GLI3: variants seen among roughly 807,000 people sequenced by gnomAD.
GLI3 encodes transcription activator GLI3.
GLI3 carries 20 observed loss-of-function variants against 100.8 expected under a neutral mutation model. That is an observed-to-expected ratio of 0.20 (90% CI 0.14 to 0.29). GLI3 has a LOEUF of 0.29. GLI3 is among the 10% of genes least tolerant of loss of function. GLI3 has a pLI of 1.00. For synonymous variants in GLI3, 938 were observed against 860.5 expected, an observed-to-expected ratio of 1.09 and a Z score of -1.58; for missense variants, 2,040 against 2,128.5, an observed-to-expected ratio of 0.96 and a Z score of 0.82.
Position 41,964,722 on chromosome 7 carries a change from T to C in GLI3, c.4351A>G (p.Ser1451Gly). The C allele has an allele frequency of 6.2e-7, 1 of 1,614,180 alleles. No homozygotes were observed. Among genetic ancestry groups the C allele is most frequent in the Non-Finnish European group, 8.5e-7 (1 of 1,179,988 alleles). The stretch of plus-strand genomic sequence containing the variant: ...GAACCAGCTTTCGTGTCTTGCTGAC[T>C]GAAGCCCACGGTTTGGTCATAGAAC... ...GQFYDQTVGF[S>G]QQDTKAGSFS... Residue 1451 changes from serine (S) to glycine (G), a missense_variant, in exon 15 of 15, where the codon AGT (serine) becomes GGT (glycine). Physicochemically the swap from Ser to Gly is moderately conservative, Grantham distance 56. This residue lies in a region of GLI3 where 1,041 missense variants were observed against 924.0 expected (regional missense o/e 1.13). Transcript: ENST00000395925.
chr7:42,066,690 A>G (rs1271003466), intron 4 of GLI3, among the ~76,000 whole-genome samples: 1 of 152,186 alleles, frequency 6.6e-6, no homozygotes, highest in African/African-American at 2.4e-5. Context: ...CAGCTATTCA[A>G]TTGCGAGAAT....
rs1240372480 is a variant in GLI3 at position 41,977,549 on chromosome 7, G to A, written c.1812+9C>T. The stretch of plus-strand genomic sequence containing the variant: ...TTATGCAAGCTCCATGCCCACTGAG[G>A]ATGCTTACCTCATTGGAATGCGTTC... On this transcript the variant is annotated intron_variant, in intron 12 of 14. Transcript: ENST00000395925. 1 of 1,613,906 alleles carries A rather than the reference G, an allele frequency of 6.2e-7. No homozygotes were observed. The highest frequency in any genetic ancestry group is 1.7e-5 in the Admixed American group (1 of 60,020).
Position 42,148,434 on chromosome 7 carries a change from C to T in GLI3, c.159G>A (p.Glu53=), listed in dbSNP as rs951541469. 1 of 1,613,886 alleles carries T rather than the reference C, an allele frequency of 6.2e-7. No individual in the cohort carries two copies. The highest frequency in any genetic ancestry group is 1.3e-5 in the African/African-American group (1 of 74,938). ...DESPGQTYHR[E]RRNAITMQPQ... ...GCTGCATAGTGATTGCGTTTCTTCTCTCTCTGTGATAAGTCTGTCCAGGAC... is the reference window on the plus strand; with the variant it reads ...GCTGCATAGTGATTGCGTTTCTTCTTTCTCTGTGATAAGTCTGTCCAGGAC... Residue 53 remains glutamate (E), a synonymous_variant, in exon 3 of 15, where the codon GAG becomes GAA. Transcript: ENST00000395925.
At chr7:42,015,510 C>T (rs1788733289) in intron 10 of GLI3, among the ~76,000 whole-genome samples, 1 of 151,990 alleles carries the variant, frequency 6.6e-6, no homozygotes, top group Non-Finnish European at 1.5e-5. Flanking sequence ...GCTTTCTGTT[C>T]CCGGAGCTCT....
rs567453221 is a variant in GLI3 at position 42,129,420 on chromosome 7, G to C, written c.367+18806C>G. ...TTTCTGCAAGATGCATAGTGGGTAA[G>C]ACTGGAATTATAGGTGGACATGGTG... is the stretch of plus-strand genomic sequence containing the variant. On this transcript the variant is annotated intron_variant, in intron 3 of 14. Transcript: ENST00000395925. 3.3e-5 allele frequency among the ~76,000 whole-genome samples: 5 copies of C among 152,328 alleles called. No homozygotes were observed. The South Asian group carries it at 1.0e-3, about 32-fold the overall frequency.
At chr7:42,233,320 G>C (rs1788729832) in intron 1 of GLI3, among the ~76,000 whole-genome samples, 2 of 152,172 alleles carry the variant, frequency 1.3e-5, no homozygotes, top group Admixed American at 1.3e-4. Flanking sequence ...ACTGTTGCTG[G>C]AGCCAGGAAC....
At chr7:42,182,642 G>GTA (rs1259517832) in intron 2 of GLI3, among the ~76,000 whole-genome samples, 6 of 39,366 alleles carry the variant, frequency 1.5e-4, no homozygotes, top group Non-Finnish European at 2.5e-4. Context: ...GTATATGTGT[G>GTA]TGTATATATA....
chr7:41,995,121 T>C (rs922209847), intron 10 of GLI3, among the ~76,000 whole-genome samples: 2 of 152,230 alleles, frequency 1.3e-5, no homozygotes, highest in Non-Finnish European at 2.9e-5. Flanking sequence ...CTAAAGTACA[T>C]GCAAAATGAT....
At position 41,966,333 on chromosome 7, in the gene GLI3, C is replaced by T. The variant is rs147004305; in HGVS notation, c.2740G>A (p.Gly914Ser). 2.6e-5 allele frequency: 41 copies of T among 1,607,482 alleles called. No individual in the cohort carries two copies. The highest frequency in any genetic ancestry group is 8.0e-5 in the African/African-American group (6 of 74,902). The change falls in exon 15 of 15, where the codon GGC (glycine) becomes AGC (serine). Residue 914 changes from glycine (G) to serine (S), a missense_variant. This residue lies in a region of GLI3 where 1,041 missense variants were observed against 924.0 expected (regional missense o/e 1.13). Transcript: ENST00000395925. This position sits in a 1 kb window ranked among gnomAD's most constrained non-coding sequence, Gnocchi z 5.8. ...GTGAGGCTGAGCAGGCTGGGCAGGC[C>T]GTCGCTCTGGCTGGCTTCGCTGGAG... ...RRSSEASQSDGLPSLLSLTPA... is the reference protein window; with the variant it reads ...RRSSEASQSDSLPSLLSLTPA...
chr7:42,205,041 G>T (rs746601764), intron 2 of GLI3, among the ~76,000 whole-genome samples: 4 of 152,196 alleles, frequency 2.6e-5, no homozygotes, highest in Non-Finnish European at 4.4e-5. Flanking sequence ...GGTTGTGGGT[G>T]TGCTTTCAAG....
intron 10 of GLI3, among the ~76,000 whole-genome samples, chr7:42,018,780 A>G (rs531621868): frequency 6.6e-6 from 1 of 152,338 alleles, no homozygotes; most frequent in South Asian, 2.1e-4. Context: ...TAGGTGGTTA[A>G]TCACTCTACA....
intron 13 of GLI3, 144 bp from the exon 14 acceptor site, chr7:41,968,067 G>A: frequency 1.3e-6 from 1 of 780,806 alleles, no homozygotes; most frequent in Non-Finnish European, 2.3e-6. Context: ...GGTGAATGGA[G>A]CTGGCCACTT....
chr7:42,106,208 A>T (rs1785571271), intron 3 of GLI3, among the ~76,000 whole-genome samples: 1 of 152,152 alleles, frequency 6.6e-6, no homozygotes, highest in Admixed American at 6.5e-5. Flanking sequence ...CGCAGTTTCC[A>T]TGCTGCTCAC....
intron 3 of GLI3, among the ~76,000 whole-genome samples, chr7:42,113,212 T>C (rs897904715): frequency 4.0e-5 from 6 of 151,878 alleles, no homozygotes; most frequent in Non-Finnish European, 7.4e-5. Flanking sequence ...CCAGGGATGC[T>C]CGTATGATGT....
At chr7:42,164,754 C>G (rs1421912700) in intron 2 of GLI3, among the ~76,000 whole-genome samples, 1 of 151,008 alleles carries the variant, frequency 6.6e-6, no homozygotes, top group Non-Finnish European at 1.5e-5. Context: ...GGCATGAACT[C>G]AGGAGGTGGA....
chr7:42,017,183 G>C lies in GLI3; in HGVS notation c.1497+6285C>G, dbSNP rs76779946. 3.1e-3 allele frequency among the ~76,000 whole-genome samples: 466 copies of C among 152,312 alleles called. 3 individuals are homozygous for C. Among genetic ancestry groups the C allele is most frequent in the African/African-American group, 0.011 (455 of 41,566 alleles). On this transcript the variant is annotated intron_variant, in intron 10 of 14. Transcript: ENST00000395925. ...CAAGCATATTCAAATGAGGTATGCA[G>C]CCCAGCCCAAAGTGACCACCATTCC...
At chr7:42,023,837 A>C (rs1789021101) in intron 9 of GLI3, among the ~76,000 whole-genome samples, 1 of 152,204 alleles carries the variant, frequency 6.6e-6, no homozygotes, top group Non-Finnish European at 1.5e-5. Context: ...CAAAATTATG[A>C]ATTAAAAGTT....
At position 41,961,726 on chromosome 7, in the gene GLI3, T is replaced by A. The variant is rs1224169066; in HGVS notation, c.*2604A>T. On this transcript the variant is annotated 3_prime_UTR_variant, in exon 15 of 15. Transcript: ENST00000395925. ...TGGAGGCTGGGGGTGAGTCTCAAGATATGAGATGCCTAGCCTACAGAGATC... is the reference window on the plus strand; with the variant it reads ...TGGAGGCTGGGGGTGAGTCTCAAGAAATGAGATGCCTAGCCTACAGAGATC... 2 of 152,098 alleles carry A rather than the reference T, an allele frequency of 1.3e-5. No homozygotes were observed. Among genetic ancestry groups the A allele is most frequent in the Non-Finnish European group, 2.9e-5 (2 of 68,064 alleles). 9.4% of individuals were successfully genotyped at this position (152,098 alleles called of 1,614,324 possible).
Position 42,045,495 on chromosome 7 carries a change from G to C in GLI3, c.715C>G (p.His239Asp), listed in dbSNP as rs761281345. 1.2e-6 allele frequency: 2 copies of C among 1,614,072 alleles called. No homozygotes were observed. Among genetic ancestry groups the C allele is most frequent in the Admixed American group, 3.3e-5 (2 of 60,024 alleles). ...TGGCCAGTTAGCAGGGCCATCTGAT[G>C]ATAGTATTCTGCTGGGCTGACTCCT... ...HAGVSPAEYYHQMALLTGQRS... is the reference protein window; with the variant it reads ...HAGVSPAEYYDQMALLTGQRS... The change falls in exon 6 of 15, where the codon CAT becomes GAT. Residue 239 changes from histidine (H) to aspartate (D), a missense_variant. Coordinates refer to ENST00000395925, the MANE Select transcript of GLI3 (RefSeq NM_000168.6).
Sources: allele counts gnomAD v4.1 joint callset (sites outside exome capture counted in the v4.1 genomes callset), GRCh38; gene constraint gnomAD v4.1.1; regional missense constraint gnomAD v4.1.1; non-coding constraint Gnocchi (gnomAD v3.1); transcripts MANE v1.5; gene names NCBI Gene and HGNC (gene_info 2026-07-23, HGNC 2026-07-21).